Variants in DLG2 observed in about 807,000 individuals in gnomAD.
The protein encoded by DLG2 is discs large MAGUK scaffold protein 2.
Under a neutral mutation model 132.5 loss-of-function variants are expected in DLG2, and 45 were observed. The ratio of observed to expected loss-of-function variants is 0.34; its 90% CI spans 0.27 to 0.44. The LOEUF (loss-of-function observed/expected upper bound fraction) is 0.44, where lower values mean the gene tolerates loss of function less well. DLG2 is among the 20% of genes least tolerant of loss of function. The pLI, the probability that DLG2 is intolerant of heterozygous loss-of-function variation, is 1.00. For synonymous variants in DLG2, 424 were observed against 419.6 expected, an observed-to-expected ratio of 1.01 and a Z score of -0.13; for missense variants, 1,045 against 1,196.9, an observed-to-expected ratio of 0.87 and a Z score of 1.87.
At chr11:85,343,580 T>C (rs1305393882) in intron 3 of DLG2, among the ~76,000 whole-genome samples, 1 of 152,116 alleles carries the variant, frequency 6.6e-6, no homozygotes, top group Non-Finnish European at 1.5e-5. Flanking sequence ...TTTTTCAGCT[T>C]ATTATGACCT....
intron 5 of DLG2, among the ~76,000 whole-genome samples, chr11:85,134,233 C>T (rs929602471): frequency 1.3e-5 from 2 of 151,788 alleles, no homozygotes; most frequent in African/African-American, 2.4e-5. Context: ...CCATTTCCCA[C>T]CCCACTACTA....
chr11:83,809,404 G>A (rs2046709907), intron 17 of DLG2, among the ~76,000 whole-genome samples: 1 of 152,148 alleles, frequency 6.6e-6, no homozygotes, highest in Admixed American at 6.5e-5. Context: ...TCAAGTTAGG[G>A]TTTTTCCATG....
intron 7 of DLG2, among the ~76,000 whole-genome samples, chr11:84,448,815 T>C (rs929729219): frequency 6.6e-6 from 1 of 152,022 alleles, no homozygotes; most frequent in Non-Finnish European, 1.5e-5. Context: ...ACCTTATTTA[T>C]TTTCGTATCC....
chr11:84,748,800 A>G (rs983316227), intron 6 of DLG2, among the ~76,000 whole-genome samples: 3 of 152,192 alleles, frequency 2.0e-5, no homozygotes, highest in Non-Finnish European at 4.4e-5. Context: ...GCTACTAAGA[A>G]GGCTATGAGA....
chr11:84,207,839 A>G (rs2096693957), intron 8 of DLG2, among the ~76,000 whole-genome samples: 1 of 152,212 alleles, frequency 6.6e-6, no homozygotes, highest in Non-Finnish European at 1.5e-5. Flanking sequence ...GTGAAAATGT[A>G]AGCCACGGTC....
At chr11:84,212,924 C>T (rs959420268) in intron 8 of DLG2, among the ~76,000 whole-genome samples, 21 of 152,350 alleles carry the variant, frequency 1.4e-4, no homozygotes, top group African/African-American at 4.8e-4. Context: ...CCCTAAAGTA[C>T]TGGGATTACA....
In DLG2 at chr11:84,502,202, C is replaced by CTCTCTCTCTCTCTCTCT. The variant is rs56962951; in HGVS notation, c.519+32367_519+32368insAGAGAGAGAGAGAGAGA. Among the ~76,000 whole-genome samples the CTCTCTCTCTCTCTCTCT allele has an allele frequency of 1.2e-4, 3 of 24,932 alleles. 1 individual carries two copies. The African/African-American group carries it at 1.6e-3, about 13-fold the overall frequency. 16.4% of individuals were successfully genotyped at this position (24,932 alleles called of 152,430 possible). On this transcript the variant is annotated intron_variant, in intron 7 of 27. Coordinates refer to ENST00000376104, the MANE Select transcript of DLG2 (RefSeq NM_001142699.3). ...TCTCTCTCTTTCTCTCTCTCTCTCTCCTTCCTTCCTTCCTTCCTTCCTTCC... is the reference window on the plus strand; with the variant it reads ...TCTCTCTCTTTCTCTCTCTCTCTCTCTCTCTCTCTCTCTCTCTCTTCCTTCCTTCCTTCCTTCCTTCC...
chr11:84,425,905 C>T (rs145764446), intron 7 of DLG2, among the ~76,000 whole-genome samples: 35 of 152,210 alleles, frequency 2.3e-4, no homozygotes, highest in Middle Eastern at 3.4e-3. Flanking sequence ...GCAATTAATG[C>T]AACCACTGGT....
chr11:85,305,519 A>T (rs1371028176), intron 3 of DLG2, among the ~76,000 whole-genome samples: 2 of 151,856 alleles, frequency 1.3e-5, no homozygotes, highest in Non-Finnish European at 2.9e-5. Context: ...CTATTTATTT[A>T]TTTATTTTTT....
chr11:84,204,186 A>T (rs1353441665), intron 8 of DLG2, among the ~76,000 whole-genome samples: 1 of 152,042 alleles, frequency 6.6e-6, no homozygotes, highest in African/African-American at 2.4e-5. Flanking sequence ...CGAACTCCCG[A>T]CCTCAGGTGA....
intron 18 of DLG2, among the ~76,000 whole-genome samples, chr11:83,749,078 A>G (rs2093127831): frequency 6.6e-6 from 1 of 152,140 alleles, no homozygotes; most frequent in South Asian, 2.1e-4. Flanking sequence ...GGCTCCCCAT[A>G]TGGCTTTTGT....
intron 3 of DLG2, among the ~76,000 whole-genome samples, chr11:85,428,231 T>C (rs1314324282): frequency 6.6e-6 from 1 of 152,058 alleles, no homozygotes; most frequent in African/African-American, 2.4e-5. Flanking sequence ...CACAGAAAGT[T>C]AACAAGGATA....
At chr11:84,191,761 G>A (rs2096411913) in intron 8 of DLG2, among the ~76,000 whole-genome samples, 1 of 152,180 alleles carries the variant, frequency 6.6e-6, no homozygotes, top group African/African-American at 2.4e-5. Context: ...ACTGCATACA[G>A]TCTGTTACGC....
At chr11:83,971,019 T>C (rs2091235668) in intron 12 of DLG2, among the ~76,000 whole-genome samples, 1 of 152,186 alleles carries the variant, frequency 6.6e-6, no homozygotes, top group Non-Finnish European at 1.5e-5. Flanking sequence ...CTATGAACTC[T>C]CAAGATAAAG....
intron 4 of DLG2, among the ~76,000 whole-genome samples, chr11:85,160,003 C>T (rs1327531555): frequency 3.3e-5 from 5 of 152,174 alleles, no homozygotes; most frequent in African/African-American, 1.2e-4. Flanking sequence ...ATAAATCCAA[C>T]TAAAATTCAA....
At chr11:83,817,568 T>G (rs2049381231) in intron 17 of DLG2, among the ~76,000 whole-genome samples, 1 of 152,140 alleles carries the variant, frequency 6.6e-6, no homozygotes, top group Non-Finnish European at 1.5e-5. Flanking sequence ...ATTTTAAAAC[T>G]TTTATTATTT....
chr11:85,163,440 A>G (rs1290976201), intron 4 of DLG2, among the ~76,000 whole-genome samples: 1 of 152,210 alleles, frequency 6.6e-6, no homozygotes, highest in Non-Finnish European at 1.5e-5. Flanking sequence ...AGATCATGAT[A>G]ATAGAAAGTA....
chr11:84,776,208 G>A (rs1191293877), intron 6 of DLG2, among the ~76,000 whole-genome samples: 2 of 152,090 alleles, frequency 1.3e-5, no homozygotes, highest in African/African-American at 4.8e-5. Context: ...AGGCTGGAGT[G>A]CAGTTGTGTG....
chr11:85,047,436 T>C (rs1365474297), intron 6 of DLG2, among the ~76,000 whole-genome samples: 1 of 152,030 alleles, frequency 6.6e-6, no homozygotes, highest in Admixed American at 6.6e-5. Flanking sequence ...AGAGTCATTG[T>C]ACTAAACAAT....
Sources: allele counts gnomAD v4.1 joint callset (sites outside exome capture counted in the v4.1 genomes callset), GRCh38; gene constraint gnomAD v4.1.1; transcripts MANE v1.5; gene names NCBI Gene and HGNC (gene_info 2026-07-23, HGNC 2026-07-21).